The following ZFAT variants were observed in gnomAD, a reference collection of about 807,000 sequenced individuals.
The protein encoded by ZFAT is zinc finger and AT-hook domain containing, also known as zinc finger protein ZFAT.
In ZFAT, 64 loss-of-function variants were observed where a neutral mutation model predicts 117.7. That is an observed-to-expected ratio of 0.54 (90% confidence interval 0.44 to 0.67). The LOEUF (loss-of-function observed/expected upper bound fraction) is 0.67, where lower values mean the gene tolerates loss of function less well. Ranked by LOEUF, ZFAT falls within the 30% of genes least tolerant of loss-of-function variation. The pLI, the probability that ZFAT is intolerant of heterozygous loss-of-function variation, is 0.00. For missense variants in ZFAT, 1,433 were observed against 1,584.5 expected (o/e 0.90, Z 1.62); for synonymous variants, 679 against 615.0 (o/e 1.10, Z -1.54).
chr8:134,662,683 T>G (rs1831991861), intron 1 of ZFAT, among the ~76,000 whole-genome samples: 1 of 152,232 alleles, frequency 6.6e-6, no homozygotes, highest in African/African-American at 2.4e-5. Context: ...TTTACCAGCT[T>G]TCCAAGACTT....
At chr8:134,527,769 G>A (rs777569863) in intron 12 of ZFAT, among the ~76,000 whole-genome samples, 25 of 152,160 alleles carry the variant, frequency 1.6e-4, no homozygotes, top group Non-Finnish European at 2.2e-4. Flanking sequence ...GAAACAAAGT[G>A]CATTTTATTA....
chr8:134,818,900 T>C, the ZFAT span, among the ~76,000 whole-genome samples: 2 of 152,114 alleles, frequency 1.3e-5, no homozygotes, highest in African/African-American at 4.8e-5. Context: ...AGAAAACAGA[T>C]AATGGTTGCC....
intron 11 of ZFAT, among the ~76,000 whole-genome samples, chr8:134,538,166 G>T (rs1264024650): frequency 6.6e-6 from 1 of 152,198 alleles, no homozygotes; most frequent in East Asian, 1.9e-4. Context: ...ACAGGAGCAG[G>T]CAGGCAAAAG....
the ZFAT span, among the ~76,000 whole-genome samples, chr8:134,773,887 C>T: frequency 2.0e-5 from 3 of 151,870 alleles, no homozygotes; most frequent in Non-Finnish European, 2.9e-5. Flanking sequence ...GGAAACTACT[C>T]CTGGGAACAT....
At position 134,498,075 on chromosome 8, in the gene ZFAT, TGGGAGGG is replaced by T. The variant is rs1335167307; in HGVS notation, c.3492+11537_3492+11543del. Among the ~76,000 whole-genome samples, 15 of 49,044 alleles carry T rather than the reference TGGGAGGG, an allele frequency of 3.1e-4. 1 individual carries two copies. Among genetic ancestry groups the T allele is most frequent in the East Asian group, 7.9e-3 (1 of 126 alleles). 32.2% of individuals were successfully genotyped at this position (49,044 alleles called of 152,430 possible). A position where few individuals can be genotyped will look rare whatever the true frequency, so the allele number is the denominator to read the frequency against. ...TGCTGGTTACACACAGAGCCTGATT[TGGGAGGG>T]TTGTGGTGGAGCTGGGATGCCCCCG... On this transcript the variant is annotated intron_variant, in intron 15 of 15. Coordinates refer to ENST00000377838, the MANE Select transcript of ZFAT (RefSeq NM_020863.4).
chr8:134,772,081 T>C, the ZFAT span, among the ~76,000 whole-genome samples: 2 of 152,268 alleles, frequency 1.3e-5, no homozygotes, highest in South Asian at 4.1e-4. Context: ...GAGATTTGGG[T>C]AGGGACACAG....
chr8:134,583,942 G>A lies in ZFAT; in HGVS notation c.2777C>T (p.Ala926Val). Reference sequence around the variant, plus strand: ...CTCAGTGCTGTGACGATTCATATGAGCCTTGAGGTTACTCTTGCTACGAGT... The same window carrying A: ...CTCAGTGCTGTGACGATTCATATGAACCTTGAGGTTACTCTTGCTACGAGT... Reference protein sequence around the residue: ...YATRSKSNLKAHMNRHSTEKT... With the variant: ...YATRSKSNLKVHMNRHSTEKT... Residue 926 changes from alanine (A) to valine (V), a missense_variant, in exon 10 of 16, where the codon GCT (alanine) becomes GTT (valine). Around this residue, in one of 5 missense-constraint regions of ZFAT, gnomAD observed 503 missense variants for 543.4 expected, o/e 0.93. Transcript: ENST00000377838. 1 of 1,590,662 alleles carries A rather than the reference G, an allele frequency of 6.3e-7. No individual in the cohort carries two copies. The highest frequency in any genetic ancestry group is 8.6e-7 in the Non-Finnish European group (1 of 1,167,254).
intron 1 of ZFAT, among the ~76,000 whole-genome samples, chr8:134,662,438 G>A (rs1470900443): frequency 6.6e-6 from 1 of 152,144 alleles, no homozygotes; most frequent in Non-Finnish European, 1.5e-5. Context: ...AGCAAGAATG[G>A]GGAGGGCAGG....
At chr8:134,493,732 G>C (rs1338766389) in intron 15 of ZFAT, among the ~76,000 whole-genome samples, 2 of 152,148 alleles carry the variant, frequency 1.3e-5, no homozygotes, top group Non-Finnish European at 2.9e-5. Flanking sequence ...GGAACGGTCT[G>C]CTGCCCCCTT....
intron 2 of ZFAT, among the ~76,000 whole-genome samples, chr8:134,639,388 C>T (rs770637416): frequency 8.5e-5 from 13 of 152,180 alleles, no homozygotes; most frequent in Non-Finnish European, 1.8e-4. Flanking sequence ...CTGAAAGATC[C>T]AAACCAGAGT....
At chr8:134,738,477 C>T in the ZFAT span, among the ~76,000 whole-genome samples, 1 of 152,222 alleles carries the variant, frequency 6.6e-6, no homozygotes, top group East Asian at 1.9e-4. Context: ...TGAGTACCAA[C>T]TACGTACGAG....
intron 11 of ZFAT, among the ~76,000 whole-genome samples, chr8:134,564,370 C>G (rs1824271721): frequency 6.6e-6 from 1 of 152,196 alleles, no homozygotes; most frequent in Admixed American, 6.5e-5. Context: ...CCCTTGCTGT[C>G]TGTGGCAAGG....
intron 2 of ZFAT, among the ~76,000 whole-genome samples, chr8:134,638,571 A>AAAC (rs1830387585): frequency 8.7e-6 from 1 of 114,460 alleles, no homozygotes; most frequent in Non-Finnish European, 1.8e-5. Flanking sequence ...AAAACAAAAA[A>AAAC]AAAAAACATT....
chr8:134,680,004 A>G (rs1056972440), intron 1 of ZFAT, among the ~76,000 whole-genome samples: 43 of 152,122 alleles, frequency 2.8e-4, no homozygotes, highest in African/African-American at 1.0e-3. Context: ...TGACAGGTTG[A>G]TGGGTGCAGC....
intron 11 of ZFAT, among the ~76,000 whole-genome samples, chr8:134,547,876 T>C (rs1024334049): frequency 7.9e-5 from 12 of 152,212 alleles, no homozygotes; most frequent in African/African-American, 2.9e-4. Context: ...TTGGTTATCC[T>C]GGGCTGAGCA....
upstream of ZFAT, among the ~76,000 whole-genome samples, chr8:134,716,461 G>C (rs992199697): frequency 2.6e-5 from 4 of 152,202 alleles, no homozygotes; most frequent in Admixed American, 6.5e-5. Flanking sequence ...CGGTCTGCCT[G>C]TGCACACCTG....
At chr8:134,514,877 G>A (rs1247535586) in intron 13 of ZFAT, among the ~76,000 whole-genome samples, 4 of 152,036 alleles carry the variant, frequency 2.6e-5, no homozygotes, top group Non-Finnish European at 4.4e-5. Context: ...TGTTACATAA[G>A]TATACACGTG....
chr8:134,770,345 C>T, the ZFAT span, among the ~76,000 whole-genome samples: 4 of 152,206 alleles, frequency 2.6e-5, no homozygotes, highest in Non-Finnish European at 5.9e-5. Flanking sequence ...ATTTTATGGA[C>T]ATTTATTAGT....
At chr8:134,794,421 T>C in the ZFAT span, 1 of 152,214 alleles carries the variant, frequency 6.6e-6, no homozygotes, top group African/African-American at 2.4e-5. Flanking sequence ...AAGAGACTTC[T>C]CTAATATAAC....
Sources: allele counts gnomAD v4.1 joint callset (sites outside exome capture counted in the v4.1 genomes callset), GRCh38; gene constraint gnomAD v4.1.1; regional missense constraint gnomAD v4.1.1; transcripts MANE v1.5; gene names NCBI Gene and HGNC (gene_info 2026-07-23, HGNC 2026-07-21).